Variants in TBL1XR1 observed in about 807,000 individuals in gnomAD.
TBL1XR1 encodes the protein F-box-like/WD repeat-containing protein TBL1XR1.
Under a neutral mutation model 66.9 loss-of-function variants are expected in TBL1XR1, and 5 were observed. That is an observed-to-expected ratio of 0.07 (90% CI 0.04 to 0.16). TBL1XR1 has a LOEUF of 0.16. Among genes scored for constraint, TBL1XR1 ranks in the 10% least tolerant of loss-of-function variants. The pLI, the probability that TBL1XR1 is intolerant of heterozygous loss-of-function variation, is 1.00. For missense variants in TBL1XR1, 238 were observed against 623.2 expected (o/e 0.38, Z 6.58); for synonymous variants, 210 against 206.0 (o/e 1.02, Z -0.17).
At chr3:177,031,824 T>C (rs1469176258) in intron 14 of TBL1XR1, among the ~76,000 whole-genome samples, 1 of 151,700 alleles carries the variant, frequency 6.6e-6, no homozygotes, top group Non-Finnish European at 1.5e-5. Flanking sequence ...AGATTCAGGC[T>C]TAATAATCAT....
chr3:177,054,045 C>CGTGTGT (rs3046468), intron 3 of TBL1XR1, 127 bp from the exon 4 acceptor site: 145 of 615,646 alleles, frequency 2.4e-4, no homozygotes, highest in African/African-American at 2.1e-3. Flanking sequence ...AGACGAAGGT[C>CGTGTGT]GTGTGTGTGT....
intron 1 of TBL1XR1, among the ~76,000 whole-genome samples, chr3:177,166,230 A>G (rs1560251862): frequency 1.3e-5 from 2 of 152,168 alleles, no homozygotes; most frequent in Non-Finnish European, 2.9e-5. Context: ...TCTAAAAATA[A>G]TAACAATAAC....
In TBL1XR1 at chr3:177,061,981, ATTCTGAG is replaced by A. The variant is rs549720399; in HGVS notation, c.58+2932_58+2938del. 2.8e-3 allele frequency among the ~76,000 whole-genome samples: 433 copies of A among 152,316 alleles called. 2 individuals are homozygous for A. The highest frequency in any genetic ancestry group is 0.01 in the African/African-American group (417 of 41,566). On this transcript the variant is annotated intron_variant, in intron 3 of 15. Coordinates refer to ENST00000457928, the MANE Select transcript of TBL1XR1 (RefSeq NM_024665.7). ...ACTATGGGCATTTGTTATGAGTGAG[ATTCTGAG>A]TTCTATCTGAACCCTGTCCTGAGTT...
intron 10 of TBL1XR1, 21 bp downstream of exon 10, chr3:177,046,108 C>T (rs1426390437): frequency 2.0e-5 from 31 of 1,515,924 alleles, no homozygotes; most frequent in South Asian, 1.0e-4. Flanking sequence ...CCAGCTTTCA[C>T]GTAAATTATA....
At chr3:177,154,600 T>C (rs567377108) in intron 1 of TBL1XR1, among the ~76,000 whole-genome samples, 43 of 152,210 alleles carry the variant, frequency 2.8e-4, no homozygotes, top group African/African-American at 9.9e-4. Flanking sequence ...TTTCGCCATG[T>C]TGGCCAGGCT....
intron 2 of TBL1XR1, among the ~76,000 whole-genome samples, chr3:177,094,816 G>C (rs1017422702): frequency 4.6e-5 from 7 of 151,958 alleles, no homozygotes; most frequent in Non-Finnish European, 8.8e-5. Flanking sequence ...TTGTGGACTA[G>C]GGGGAAAGGG....
intron 1 of TBL1XR1, among the ~76,000 whole-genome samples, chr3:177,174,856 TA>T (rs2108942752): frequency 6.6e-6 from 1 of 152,294 alleles, no homozygotes; most frequent in Admixed American, 6.5e-5. Flanking sequence ...CCGTTCCGTT[TA>T]AAATCCTTCA....
intron 12 of TBL1XR1, among the ~76,000 whole-genome samples, chr3:177,036,618 C>T (rs574590255): frequency 1.3e-5 from 2 of 152,228 alleles, no homozygotes; most frequent in African/African-American, 4.8e-5. Flanking sequence ...ATGTTATAAG[C>T]ATTAATACGT....
chr3:177,054,045 C>CGTGTGTGTGTGTGTGT lies in TBL1XR1; in HGVS notation c.59-143_59-128dup, dbSNP rs3046468. The stretch of plus-strand genomic sequence containing the variant: ...CCCATTTAAAATCCCAGACGAAGGT[C>CGTGTGTGTGTGTGTGT]GTGTGTGTGTGTGTGTGTGTGTGTG... On this transcript the variant is annotated intron_variant, in intron 3 of 15. Transcript: ENST00000457928. The CGTGTGTGTGTGTGTGT allele has an allele frequency of 1.1e-5, 7 of 615,658 alleles. No individual in the cohort carries two copies. The African/African-American group carries it at 1.1e-4, about 10-fold the overall frequency. 38.1% of individuals were successfully genotyped at this position (615,658 alleles called of 1,614,324 possible). A position where few individuals can be genotyped will look rare whatever the true frequency, so the allele number is the denominator to read the frequency against.
chr3:177,169,752 T>C (rs1318106978), intron 1 of TBL1XR1, among the ~76,000 whole-genome samples: 3 of 152,160 alleles, frequency 2.0e-5, no homozygotes, highest in African/African-American at 7.2e-5. Flanking sequence ...CTCTAAAAGA[T>C]GTAAATGAGA....
chr3:177,096,355 T>TACACACACAC (rs1560170448), intron 2 of TBL1XR1, among the ~76,000 whole-genome samples: 8 of 70,680 alleles, frequency 1.1e-4, no homozygotes, highest in Non-Finnish European at 2.2e-4. Flanking sequence ...CACACACACT[T>TACACACACAC]AAATTTCTGT....
chr3:177,098,487 G>A lies in TBL1XR1; in HGVS notation c.-67C>T. The A allele has an allele frequency of 1.8e-5, 18 of 985,822 alleles. No individual in the cohort carries two copies. The highest frequency in any genetic ancestry group is 2.2e-5 in the Non-Finnish European group (18 of 829,916). The allele number at this position is 985,822 out of a possible 1,614,324, so 61.1% of individuals were successfully genotyped here. On this transcript the variant is annotated 5_prime_UTR_variant, in exon 2 of 16. Transcript: ENST00000457928. ...TTACCATTGGCAGTGCATTGATGTGGGGATGTGCAACTGAATATCCGGTCA... is the reference window on the plus strand; with the variant it reads ...TTACCATTGGCAGTGCATTGATGTGAGGATGTGCAACTGAATATCCGGTCA...
chr3:177,169,343 T>A (rs1415216177), intron 1 of TBL1XR1, among the ~76,000 whole-genome samples: 1 of 152,240 alleles, frequency 6.6e-6, no homozygotes, highest in East Asian at 1.9e-4. Context: ...CAATTATCTC[T>A]CTTTTTAAAA....
chr3:177,103,725 A>G (rs1295009458), intron 1 of TBL1XR1, among the ~76,000 whole-genome samples: 2 of 152,268 alleles, frequency 1.3e-5, no homozygotes, highest in Non-Finnish European at 2.9e-5. Flanking sequence ...TTAAGGTAGC[A>G]ACACACTCTA....
At chr3:177,039,877 T>G (rs1380876812) in intron 10 of TBL1XR1, among the ~76,000 whole-genome samples, 1 of 152,220 alleles carries the variant, frequency 6.6e-6, no homozygotes, top group Non-Finnish European at 1.5e-5. Flanking sequence ...ATGCATGAAG[T>G]TGCATATTAC....
intron 1 of TBL1XR1, among the ~76,000 whole-genome samples, chr3:177,167,058 T>C (rs767964187): frequency 1.3e-5 from 2 of 152,216 alleles, no homozygotes; most frequent in African/African-American, 4.8e-5. Flanking sequence ...ATGTTTATAA[T>C]AGCTTTATCC....
At chr3:177,084,189 G>A (rs1721841695) in intron 2 of TBL1XR1, among the ~76,000 whole-genome samples, 2 of 151,972 alleles carry the variant, frequency 1.3e-5, no homozygotes, top group African/African-American at 2.4e-5. Flanking sequence ...ACAAACGTAT[G>A]TACCTGAGTA....
intron 1 of TBL1XR1, among the ~76,000 whole-genome samples, chr3:177,152,452 A>G (rs1057039115): frequency 3.3e-5 from 5 of 152,108 alleles, no homozygotes; most frequent in Non-Finnish European, 7.4e-5. Context: ...ACGCCCGGCT[A>G]ATTTTTGTAT....
chr3:177,111,375 C>T (rs1490286801), intron 1 of TBL1XR1, among the ~76,000 whole-genome samples: 10 of 151,598 alleles, frequency 6.6e-5, no homozygotes, highest in African/African-American at 1.9e-4. Context: ...TGGGTTCAAG[C>T]GATTCACCTG....
Sources: allele counts gnomAD v4.1 joint callset (sites outside exome capture counted in the v4.1 genomes callset), GRCh38; gene constraint gnomAD v4.1.1; transcripts MANE v1.5; gene names NCBI Gene and HGNC (gene_info 2026-07-23, HGNC 2026-07-21).